Variants in ARHGAP10 observed in about 807,000 individuals in gnomAD.
ARHGAP10 encodes Rho GTPase activating protein 10.
A neutral mutation model predicts 108.6 loss-of-function variants in ARHGAP10; 87 were observed. That is an observed-to-expected ratio of 0.80 (90% CI 0.67 to 0.96). The LOEUF is 0.96. Ranked by LOEUF, ARHGAP10 falls within the 40% of genes least tolerant of loss-of-function variation. The probability of loss-of-function intolerance (pLI) is 0.00; values close to 1 mark genes in which losing one functional copy is unlikely to be tolerated. For synonymous variants in ARHGAP10, 347 were observed against 341.1 expected, an observed-to-expected ratio of 1.02 and a Z score of -0.19; for missense variants, 939 against 954.5, an observed-to-expected ratio of 0.98 and a Z score of 0.21.
At chr4:147,807,492 A>AT (rs1397926671) in intron 1 of ARHGAP10, among the ~76,000 whole-genome samples, 1 of 152,140 alleles carries the variant, frequency 6.6e-6, no homozygotes, top group Non-Finnish European at 1.5e-5. Flanking sequence ...TTTTTCTGAA[A>AT]TGGTCAGGAA....
chr4:147,917,592 T>C (rs1737040715), intron 13 of ARHGAP10, among the ~76,000 whole-genome samples: 1 of 152,198 alleles, frequency 6.6e-6, no homozygotes. Context: ...CATAGACAGA[T>C]TAGCATAAAC....
At chr4:147,939,146 G>A (rs1738070798) in intron 13 of ARHGAP10, among the ~76,000 whole-genome samples, 1 of 152,282 alleles carries the variant, frequency 6.6e-6, no homozygotes, top group South Asian at 2.1e-4. Flanking sequence ...AGATCAGAAT[G>A]CAAATGATAA....
At chr4:147,954,496 T>C (rs910412616) in intron 15 of ARHGAP10, among the ~76,000 whole-genome samples, 1 of 151,710 alleles carries the variant, frequency 6.6e-6, no homozygotes, top group Non-Finnish European at 1.5e-5. Flanking sequence ...GTTAAAAAAT[T>C]TTGTTTGTGC....
chr4:147,919,164 C>T (rs1259988164), intron 13 of ARHGAP10, among the ~76,000 whole-genome samples: 1 of 152,180 alleles, frequency 6.6e-6, no homozygotes, highest in Non-Finnish European at 1.5e-5. Context: ...CTAAACTGTA[C>T]TATCGTTCTC....
At chr4:147,881,525 C>G (rs1735327459) in intron 9 of ARHGAP10, among the ~76,000 whole-genome samples, 1 of 151,762 alleles carries the variant, frequency 6.6e-6, no homozygotes, top group Non-Finnish European at 1.5e-5. Context: ...GTAATCCCAG[C>G]TACTCTGGAG....
At chr4:147,813,933 C>T (rs1732131935) in intron 1 of ARHGAP10, among the ~76,000 whole-genome samples, 1 of 152,210 alleles carries the variant, frequency 6.6e-6, no homozygotes, top group Non-Finnish European at 1.5e-5. Context: ...AAATTTAACT[C>T]ACTTTTTAGT....
chr4:148,004,495 G>T (rs1740861992), intron 18 of ARHGAP10, among the ~76,000 whole-genome samples: 1 of 152,290 alleles, frequency 6.6e-6, no homozygotes, highest in East Asian at 1.9e-4. Context: ...TACAGCAGAT[G>T]TAAATCTTTT....
chr4:148,021,225 T>G (rs1452264616), intron 18 of ARHGAP10, among the ~76,000 whole-genome samples: 2 of 152,104 alleles, frequency 1.3e-5, no homozygotes, highest in Non-Finnish European at 2.9e-5. Context: ...TTTTGCTTGG[T>G]AGTCTGGCTC....
chr4:147,763,284 A>G (rs1729661302), intron 1 of ARHGAP10, among the ~76,000 whole-genome samples: 1 of 151,590 alleles, frequency 6.6e-6, no homozygotes, highest in Admixed American at 6.6e-5. Flanking sequence ...ATTAATGATA[A>G]TGGTGGTGTT....
chr4:147,804,633 C>T (rs1296519806), intron 1 of ARHGAP10, among the ~76,000 whole-genome samples: 1 of 152,198 alleles, frequency 6.6e-6, no homozygotes, highest in African/African-American at 2.4e-5. Context: ...CTTTTCTCCA[C>T]AGCCTTGCCA....
intron 22 of ARHGAP10, among the ~76,000 whole-genome samples, chr4:148,067,464 C>T (rs1729947881): frequency 6.6e-6 from 1 of 152,196 alleles, no homozygotes; most frequent in Non-Finnish European, 1.5e-5. Flanking sequence ...ACCACGGCTT[C>T]TGTGGAGCCA....
intron 20 of ARHGAP10, among the ~76,000 whole-genome samples, chr4:148,057,460 T>C (rs891349864): frequency 6.6e-6 from 1 of 152,216 alleles, no homozygotes; most frequent in African/African-American, 2.4e-5. Context: ...AGTAAGTTGC[T>C]TTCACCTTTC....
chr4:148,002,442 A>G (rs1351792374), intron 18 of ARHGAP10, among the ~76,000 whole-genome samples: 1 of 152,150 alleles, frequency 6.6e-6, no homozygotes, highest in African/African-American at 2.4e-5. Context: ...TGAGTTAGGG[A>G]GGATTTCCTC....
chr4:148,038,006 G>T (rs1188911615), intron 19 of ARHGAP10, among the ~76,000 whole-genome samples: 3 of 151,978 alleles, frequency 2.0e-5, no homozygotes, highest in Non-Finnish European at 4.4e-5. Context: ...TAAGAATTAG[G>T]TTTTATTTAC....
chr4:148,015,823 C>T (rs1274618905), intron 18 of ARHGAP10, among the ~76,000 whole-genome samples: 2 of 152,178 alleles, frequency 1.3e-5, no homozygotes, highest in Non-Finnish European at 2.9e-5. Context: ...GAAAGAAGAT[C>T]GGACATTTTA....
At chr4:147,790,931 C>T (rs1731091875) in intron 1 of ARHGAP10, among the ~76,000 whole-genome samples, 1 of 152,094 alleles carries the variant, frequency 6.6e-6, no homozygotes. Flanking sequence ...GACCCCTCCT[C>T]ATCCTGTGTC....
intron 3 of ARHGAP10, among the ~76,000 whole-genome samples, chr4:147,839,172 T>C (rs963070692): frequency 6.6e-6 from 1 of 151,934 alleles, no homozygotes; most frequent in Admixed American, 6.6e-5. Flanking sequence ...ATATATAAAG[T>C]TTCTAGGCAC....
chr4:147,987,019 A>G (rs1414990864), intron 18 of ARHGAP10, among the ~76,000 whole-genome samples: 3 of 152,258 alleles, frequency 2.0e-5, no homozygotes, highest in Non-Finnish European at 4.4e-5. Context: ...ACAGCAGATA[A>G]CGGGATTATT....
chr4:148,035,232 A>G (rs550535871), intron 19 of ARHGAP10, among the ~76,000 whole-genome samples: 26 of 152,336 alleles, frequency 1.7e-4, no homozygotes, highest in African/African-American at 5.8e-4. Context: ...TTGGGCAAGC[A>G]TTATGCTTAA....
Sources: gnomAD v4.1 joint callset for allele counts (sites outside exome capture counted in the v4.1 genomes callset) on GRCh38, gnomAD v4.1.1 for gene constraint, MANE v1.5 for transcripts, NCBI Gene and HGNC (gene_info 2026-07-23, HGNC 2026-07-21) for gene names.